The following CHST8 variants were observed in gnomAD, a reference collection of about 807,000 sequenced individuals.
CHST8 encodes carbohydrate sulfotransferase 8, also known as GALNAC-4-ST1.
CHST8 carries 10 observed loss-of-function variants against 15.0 expected under a neutral mutation model. That is an observed-to-expected ratio of 0.67 (90% confidence interval 0.41 to 1.13). The LOEUF (loss-of-function observed/expected upper bound fraction) is 1.13, where lower values mean the gene tolerates loss of function less well. Among genes scored for constraint, CHST8 ranks in the 50% most tolerant of loss-of-function variants. The probability of loss-of-function intolerance (pLI) is 0.00; values close to 1 mark genes in which losing one functional copy is unlikely to be tolerated. For missense variants in CHST8, 634 were observed against 608.2 expected (o/e 1.04, Z -0.45); for synonymous variants, 259 against 256.6 (o/e 1.01, Z -0.09).
intron 1 of CHST8, among the ~76,000 whole-genome samples, chr19:33,641,934 C>T (rs535572940): frequency 1.3e-5 from 2 of 152,330 alleles, no homozygotes; most frequent in South Asian, 2.1e-4. Context: ...CAAAGTCCTA[C>T]GCTGACCAAA....
intron 3 of CHST8, among the ~76,000 whole-genome samples, chr19:33,742,894 A>G (rs1974224891): frequency 6.6e-6 from 1 of 151,846 alleles, no homozygotes; most frequent in Non-Finnish European, 1.5e-5. Flanking sequence ...GGTTTCTGTT[A>G]TTTTACAATC....
At chr19:33,767,662 G>A (rs114129886) in intron 3 of CHST8, among the ~76,000 whole-genome samples, 198 of 152,336 alleles carry the variant, frequency 1.3e-3, no homozygotes, top group Middle Eastern at 6.8e-3. Flanking sequence ...CTTACTGTGC[G>A]GGGGGATGGA....
chr19:33,766,297 G>C (rs761056317), intron 3 of CHST8, among the ~76,000 whole-genome samples: 10 of 151,628 alleles, frequency 6.6e-5, no homozygotes, highest in Non-Finnish European at 1.2e-4. Flanking sequence ...CTGTCTCTCT[G>C]ATAACCCTAA....
chr19:33,668,515 C>T (rs992589346), intron 2 of CHST8, among the ~76,000 whole-genome samples: 1 of 152,002 alleles, frequency 6.6e-6, no homozygotes, highest in Non-Finnish European at 1.5e-5. Flanking sequence ...TACCACCTAC[C>T]CCAGAAGTGG....
intron 3 of CHST8, among the ~76,000 whole-genome samples, chr19:33,707,088 G>A (rs889789427): frequency 6.6e-6 from 1 of 152,108 alleles, no homozygotes; most frequent in African/African-American, 2.4e-5. Flanking sequence ...GCAGGGGTAG[G>A]GTGCTGTGTT....
intron 1 of CHST8, among the ~76,000 whole-genome samples, chr19:33,635,231 G>GC: frequency 6.6e-6 from 1 of 152,268 alleles, no homozygotes; most frequent in South Asian, 2.1e-4. Context: ...CTCCACTCCT[G>GC]CCCCTCAGCG....
chr19:33,715,794 G>A (rs1973655228), intron 3 of CHST8, among the ~76,000 whole-genome samples: 1 of 152,170 alleles, frequency 6.6e-6, no homozygotes, highest in Non-Finnish European at 1.5e-5. Context: ...TGTTTATCCA[G>A]TAAGCAGTCA....
intron 1 of CHST8, among the ~76,000 whole-genome samples, chr19:33,624,425 C>T (rs1972025247): frequency 6.6e-6 from 1 of 152,190 alleles, no homozygotes; most frequent in African/African-American, 2.4e-5. Flanking sequence ...CCTTTATAAT[C>T]TTGTAGCCAG....
intron 1 of CHST8, among the ~76,000 whole-genome samples, chr19:33,646,707 A>G (rs569672032): frequency 6.6e-6 from 1 of 152,302 alleles, no homozygotes; most frequent in South Asian, 2.1e-4. Flanking sequence ...TGAGGCCAGG[A>G]GTTTGAGGCC....
chr19:33,648,967 G>T (rs1022389167), intron 1 of CHST8, among the ~76,000 whole-genome samples: 1 of 148,582 alleles, frequency 6.7e-6, no homozygotes, highest in Non-Finnish European at 1.5e-5. Context: ...GCAGTGGGGC[G>T]ATCTCGGCTC....
At chr19:33,698,538 A>C (rs1047891887) in intron 3 of CHST8, among the ~76,000 whole-genome samples, 1 of 151,936 alleles carries the variant, frequency 6.6e-6, no homozygotes, top group Non-Finnish European at 1.5e-5. Context: ...AGTGTTGGAG[A>C]CCTTTCAAAT....
chr19:33,657,011 G>T (rs1972516912), intron 1 of CHST8, among the ~76,000 whole-genome samples: 1 of 151,806 alleles, frequency 6.6e-6, no homozygotes, highest in Non-Finnish European at 1.5e-5. Context: ...TGTTGAAATT[G>T]TGCTTTTCAG....
intron 3 of CHST8, among the ~76,000 whole-genome samples, chr19:33,709,313 A>G (rs1052904550): frequency 6.6e-6 from 1 of 152,206 alleles, no homozygotes; most frequent in African/African-American, 2.4e-5. Flanking sequence ...GGGGAAAAAC[A>G]TTCCATCTTT....
chr19:33,670,659 G>A (rs2216732), intron 2 of CHST8, among the ~76,000 whole-genome samples: 152,288 of 152,298 alleles, frequency 1, 76,139 homozygotes, highest in Middle Eastern at 1. Flanking sequence ...CTGCAGCCCG[G>A]GCTCCTGAGA....
intron 3 of CHST8, among the ~76,000 whole-genome samples, chr19:33,760,493 A>G (rs1022457134): frequency 6.7e-6 from 1 of 148,164 alleles, no homozygotes; most frequent in Non-Finnish European, 1.5e-5. Flanking sequence ...TAATTTTTTC[A>G]TTTTTTTTTA....
Position 33,757,528 on chromosome 19 carries a change from GAAAGAAAGAA to G in CHST8, c.131-13883_131-13874del, listed in dbSNP as rs1568358838. Among the ~76,000 whole-genome samples, 17 of 30,868 alleles carry G rather than the reference GAAAGAAAGAA, an allele frequency of 5.5e-4. 2 individuals are homozygous for G. The highest frequency in any genetic ancestry group is 2.8e-3 in the Admixed American group (8 of 2,826). 20.3% of individuals were successfully genotyped at this position (30,868 alleles called of 152,430 possible). A position where few individuals can be genotyped will look rare whatever the true frequency, so the allele number is the denominator to read the frequency against. ...AAAGAAAGAAAGAAAGAAAGAGAAA[GAAAGAAAGAA>G]AGAAAGAAAGAAAGAAAGAAAGAAA... On this transcript the variant is annotated intron_variant, in intron 3 of 4. Transcript: ENST00000650847.
At chr19:33,755,785 G>A (rs1599626832) in intron 3 of CHST8, among the ~76,000 whole-genome samples, 3 of 152,336 alleles carry the variant, frequency 2.0e-5, no homozygotes, top group South Asian at 2.1e-4. Flanking sequence ...AAGGAAGCAG[G>A]AAAACAGCTC....
At chr19:33,642,543 A>G (rs553218055) in intron 1 of CHST8, among the ~76,000 whole-genome samples, 1 of 151,970 alleles carries the variant, frequency 6.6e-6, no homozygotes, top group South Asian at 2.1e-4. Flanking sequence ...TTGTATTTTT[A>G]GTGGAGATGG....
At chr19:33,694,198 ATATATATATATATATATATAT>A (rs1973161338) in intron 3 of CHST8, among the ~76,000 whole-genome samples, 8 of 111,328 alleles carry the variant, frequency 7.2e-5, no homozygotes, top group African/African-American at 2.8e-4. Context: ...ATATATATAT[ATATATATATATATATATATAT>A]AATGTTACCA....
Sources: gnomAD v4.1 joint callset for allele counts (sites outside exome capture counted in the v4.1 genomes callset) on GRCh38, gnomAD v4.1.1 for gene constraint, MANE v1.5 for transcripts, NCBI Gene and HGNC (gene_info 2026-07-23, HGNC 2026-07-21) for gene names.